Variants in EYS observed in about 807,000 individuals in gnomAD.
The protein encoded by EYS is protein eyes shut homolog.
Under a neutral mutation model 282.1 loss-of-function variants are expected in EYS, and 250 were observed. The ratio of observed to expected loss-of-function variants is 0.89; its 90% CI spans 0.80 to 0.98. The LOEUF is 0.98. Ranked by LOEUF, EYS falls within the 50% of genes least tolerant of loss-of-function variation. EYS has a pLI of 0.00. For synonymous variants in EYS, 1,355 were observed against 1,282.9 expected, an observed-to-expected ratio of 1.06 and a Z score of -1.20; for missense variants, 4,016 against 3,709.0, an observed-to-expected ratio of 1.08 and a Z score of -2.15.
chr6:65,428,446 G>C (rs934304566), intron 5 of EYS, among the ~76,000 whole-genome samples: 2 of 151,726 alleles, frequency 1.3e-5, no homozygotes, highest in Admixed American at 1.3e-4. Flanking sequence ...TCATTTTTAC[G>C]TATATTAACT....
Position 63,806,248 on chromosome 6 carries a change from T to G in EYS, c.7353A>C (p.Ala2451=), listed in dbSNP as rs527812465. The G allele has an allele frequency of 5.3e-5, 83 of 1,551,666 alleles. No individual in the cohort carries two copies. In the African/African-American group the frequency reaches 9.8e-4, roughly 18 times the overall value. Residue 2451 remains alanine (A), a synonymous_variant, in exon 37 of 43, where the codon GCA becomes GCC. Transcript: ENST00000503581. ...TATTTTGCAGTGCTGAGTGGTTGTT[T>G]GCCAGCTGAAACTTCAGGTGGAATT... ...HYEFHLKFQL[A]NNHSALQNNL...
intron 2 of EYS, among the ~76,000 whole-genome samples, chr6:65,634,871 T>C (rs1188769673): frequency 2.0e-5 from 3 of 152,234 alleles, no homozygotes; most frequent in Non-Finnish European, 4.4e-5. Flanking sequence ...TAAAAGTTCT[T>C]TGAGTCTAAC....
intron 1 of EYS, among the ~76,000 whole-genome samples, chr6:65,659,266 A>T (rs1162796472): frequency 6.6e-6 from 1 of 151,762 alleles, no homozygotes; most frequent in Non-Finnish European, 1.5e-5. Flanking sequence ...AGGATTAACA[A>T]AAGGAAACTT....
chr6:63,802,154 C>G (rs1770796568), intron 37 of EYS, among the ~76,000 whole-genome samples: 1 of 152,146 alleles, frequency 6.6e-6, no homozygotes, highest in South Asian at 2.1e-4. Flanking sequence ...TTCTTTAATT[C>G]ATAGCTTTAT....
chr6:64,243,008 A>T (rs145312811), intron 30 of EYS, among the ~76,000 whole-genome samples: 4,215 of 146,886 alleles, frequency 0.029, 135 homozygotes, highest in East Asian at 0.075. Flanking sequence ...ATTATAATTT[A>T]TATATATTTA....
chr6:65,040,067 C>T (rs1037286845), intron 13 of EYS, among the ~76,000 whole-genome samples: 2 of 151,646 alleles, frequency 1.3e-5, no homozygotes, highest in Non-Finnish European at 3.0e-5. Flanking sequence ...TTCTCAACTT[C>T]ACCATTAATG....
intron 14 of EYS, among the ~76,000 whole-genome samples, chr6:64,949,167 A>T (rs1356066477): frequency 6.6e-6 from 1 of 151,978 alleles, no homozygotes; most frequent in Non-Finnish European, 1.5e-5. Context: ...CTAAAAGATT[A>T]CTACAAGTTT....
At chr6:64,345,487 T>C (rs908315995) in intron 29 of EYS, among the ~76,000 whole-genome samples, 3 of 152,238 alleles carry the variant, frequency 2.0e-5, no homozygotes, top group South Asian at 2.1e-4. Flanking sequence ...CTGGGAAAAC[T>C]GGCTAGCCAT....
intron 12 of EYS, among the ~76,000 whole-genome samples, chr6:65,154,398 A>G (rs1298119624): frequency 6.6e-6 from 1 of 151,684 alleles, no homozygotes; most frequent in Non-Finnish European, 1.5e-5. Context: ...AATGTAAGAC[A>G]ATGTATTTTA....
chr6:64,680,354 A>C (rs181230467), intron 22 of EYS, among the ~76,000 whole-genome samples: 4 of 152,334 alleles, frequency 2.6e-5, no homozygotes, highest in Admixed American at 6.5e-5. Context: ...TACAGGCAGG[A>C]ATACAACAAA....
chr6:65,374,513 T>C (rs1314848446), intron 8 of EYS, among the ~76,000 whole-genome samples: 1 of 150,212 alleles, frequency 6.7e-6, no homozygotes, highest in Non-Finnish European at 1.5e-5. Flanking sequence ...TTTTTTTTTT[T>C]TTCGTACCCC....
intron 22 of EYS, among the ~76,000 whole-genome samples, chr6:64,792,877 T>TGTGTGTGTGTGTGTGTGTGTG (rs1562194593): frequency 1.8e-4 from 28 of 152,014 alleles, no homozygotes; most frequent in East Asian, 3.9e-4. Context: ...TGTGTGTGTG[T>TGTGTGTGTGTGTGTGTGTGTG]TAGATGTAAC....
At chr6:64,684,788 G>T (rs1770030870) in intron 22 of EYS, among the ~76,000 whole-genome samples, 1 of 151,722 alleles carries the variant, frequency 6.6e-6, no homozygotes, top group African/African-American at 2.4e-5. Flanking sequence ...AAAATGGAAT[G>T]TATAAAGATA....
At chr6:64,981,235 C>T (rs903960970) in intron 14 of EYS, among the ~76,000 whole-genome samples, 1 of 151,266 alleles carries the variant, frequency 6.6e-6, no homozygotes, top group Non-Finnish European at 1.5e-5. Flanking sequence ...ATACGTAAAG[C>T]TACTGAATTA....
intron 30 of EYS, among the ~76,000 whole-genome samples, chr6:64,250,732 T>C (rs1767183131): frequency 6.6e-6 from 1 of 152,142 alleles, no homozygotes; most frequent in Admixed American, 6.5e-5. Context: ...AAATGGGAAA[T>C]CATTACTTAA....
chr6:65,266,887 CATATAT>C lies in EYS; in HGVS notation c.2023+28970_2023+28975del, dbSNP rs10571039. Among the ~76,000 whole-genome samples the C allele has an allele frequency of 1.8e-3, 248 of 139,598 alleles. 2 individuals are homozygous for C. The highest frequency in any genetic ancestry group is 5.9e-3 in the African/African-American group (227 of 38,354). The allele number at this position is 139,598 out of a possible 152,430, so 91.6% of individuals were successfully genotyped here. A position where few individuals can be genotyped will look rare whatever the true frequency, so the allele number is the denominator to read the frequency against. Reference sequence around the variant, plus strand: ...ATAAATACACATCTTAATGTGTGTGCATATATATATATATATATATACATCTTGAGA... The same window carrying C: ...ATAAATACACATCTTAATGTGTGTGCATATATATATATATACATCTTGAGA... On this transcript the variant is annotated intron_variant, in intron 12 of 42. Transcript: ENST00000503581.
chr6:64,350,528 C>G (rs1771587037), intron 29 of EYS, among the ~76,000 whole-genome samples: 2 of 151,504 alleles, frequency 1.3e-5, no homozygotes, highest in African/African-American at 4.8e-5. Context: ...GCATAAGAGG[C>G]TGATCTCAAC....
intron 5 of EYS, among the ~76,000 whole-genome samples, chr6:65,437,648 G>T (rs1408449258): frequency 4.6e-5 from 7 of 152,040 alleles, no homozygotes; most frequent in African/African-American, 1.7e-4. Flanking sequence ...CTGTATAGAA[G>T]AATCTTCTTT....
intron 12 of EYS, among the ~76,000 whole-genome samples, chr6:65,214,334 C>T (rs1766259369): frequency 6.6e-6 from 1 of 152,046 alleles, no homozygotes; most frequent in African/African-American, 2.4e-5. Context: ...ACCCTTATTA[C>T]TGATATGGAG....
Sources: allele counts gnomAD v4.1 joint callset (sites outside exome capture counted in the v4.1 genomes callset), GRCh38; gene constraint gnomAD v4.1.1; transcripts MANE v1.5; gene names NCBI Gene and HGNC (gene_info 2026-07-23, HGNC 2026-07-21).